Variants in PLXNA4 observed in about 807,000 individuals in gnomAD.
The protein encoded by PLXNA4 is plexin-A4.
In PLXNA4, 44 loss-of-function variants were observed where a neutral mutation model predicts 191.8. That is an observed-to-expected ratio of 0.23 (90% CI 0.18 to 0.29). The LOEUF (loss-of-function observed/expected upper bound fraction) is 0.29. Ranked by LOEUF, PLXNA4 falls within the 10% of genes least tolerant of loss-of-function variation. The pLI is 1.00. For synonymous variants in PLXNA4, 1,082 were observed against 1,009.5 expected (o/e 1.07, Z -1.36); for missense variants, 1,800 against 2,488.8 (o/e 0.72, Z 5.89).
chr7:132,199,568 T>C (rs1002977082), intron 12 of PLXNA4, among the ~76,000 whole-genome samples: 1 of 152,168 alleles, frequency 6.6e-6, no homozygotes, highest in Non-Finnish European at 1.5e-5. Context: ...CATGCTTCCA[T>C]TCCTGGTGCC....
intron 4 of PLXNA4, among the ~76,000 whole-genome samples, chr7:132,249,307 T>A (rs1011525469): frequency 6.6e-6 from 1 of 152,188 alleles, no homozygotes. Context: ...AAGTAGCAGA[T>A]GTTGTGGAGG....
chr7:132,287,553 A>T (rs1406125540), intron 4 of PLXNA4, among the ~76,000 whole-genome samples: 2 of 151,926 alleles, frequency 1.3e-5, no homozygotes, highest in Non-Finnish European at 2.9e-5. Flanking sequence ...CAAGTCCGTG[A>T]TCTGTTCATG....
At chr7:132,565,685 G>A (rs912959097) in intron 1 of PLXNA4, among the ~76,000 whole-genome samples, 14 of 152,210 alleles carry the variant, frequency 9.2e-5, no homozygotes, top group African/African-American at 3.4e-4. Flanking sequence ...AGTCCCCCGT[G>A]GGCCTGAGCC....
At chr7:132,145,617 C>T (rs890178478) in intron 28 of PLXNA4, 1 of 320,592 alleles carries the variant, frequency 3.1e-6, no homozygotes, top group Non-Finnish European at 5.9e-6. Context: ...CTCACTTGGT[C>T]AGAGCAGACA....
intron 3 of PLXNA4, among the ~76,000 whole-genome samples, chr7:132,478,211 TTCTC>T (rs1337192007): frequency 1.3e-5 from 2 of 152,248 alleles, no homozygotes; most frequent in Non-Finnish European, 2.9e-5. Context: ...GAAAGACTCA[TTCTC>T]TAAGTGAGGT....
intron 4 of PLXNA4, among the ~76,000 whole-genome samples, chr7:132,249,409 C>T (rs2117072055): frequency 6.6e-6 from 1 of 152,328 alleles, no homozygotes; most frequent in South Asian, 2.1e-4. Context: ...AGTGCCGACG[C>T]CGGAATCATC....
At position 132,507,756 on chromosome 7, in the gene PLXNA4, G is replaced by A; in HGVS notation, c.938C>T (p.Ala313Val). 6.2e-7 allele frequency: 1 copy of A among 1,614,094 alleles called. No individual in the cohort carries two copies. Among genetic ancestry groups the A allele is most frequent in the Non-Finnish European group, 8.5e-7 (1 of 1,180,036 alleles). ...SGVEYRLLQAAYLSKAGAVLG... is the reference protein window; with the variant it reads ...SGVEYRLLQAVYLSKAGAVLG... The stretch of plus-strand genomic sequence containing the variant: ...CACGGCCCCCGCTTTGGACAGGTAG[G>A]CAGCCTGCAGCAGGCGGTACTCCAC... Residue 313 changes from alanine to valine, a missense_variant, in exon 2 of 32, where the codon GCC (alanine) becomes GTC (valine). Transcript: ENST00000321063.
Position 132,508,638 on chromosome 7 carries a change from C to T in PLXNA4, c.56G>A (p.Gly19Asp). 6.3e-7 allele frequency: 1 copy of T among 1,598,494 alleles called. No homozygotes were observed. The highest frequency in any genetic ancestry group is 8.5e-7 in the Non-Finnish European group (1 of 1,171,876). ...TCLLSHLLMV[G>D]MGSSTLLTRQ... ...GGTGAGCAAAGTGGAGGAGCCCATGCCCACCATGAGGAGGTGGGAGAGAAG... is the reference window on the plus strand; with the variant it reads ...GGTGAGCAAAGTGGAGGAGCCCATGTCCACCATGAGGAGGTGGGAGAGAAG... The change falls in exon 2 of 32, where the codon GGC (glycine) becomes GAC (aspartate). Residue 19 changes from glycine to aspartate, a missense_variant. Coordinates refer to ENST00000321063, the MANE Select transcript of PLXNA4 (RefSeq NM_020911.2). This position sits in a 1 kb window ranked among gnomAD's most constrained non-coding sequence, Gnocchi z 4.4.
At chr7:132,598,554 T>C (rs867177758) in intron 2 of PLXNA4, among the ~76,000 whole-genome samples, 6 of 152,266 alleles carry the variant, frequency 3.9e-5, no homozygotes, top group Non-Finnish European at 5.9e-5. Context: ...TTTCTGCATA[T>C]ACTTGTTAGT....
At chr7:132,646,726 T>C (rs1255055878) in intron 1 of PLXNA4, among the ~76,000 whole-genome samples, 2 of 152,106 alleles carry the variant, frequency 1.3e-5, no homozygotes, top group African/African-American at 4.8e-5. Flanking sequence ...GGGCTCATCT[T>C]ATGAAAGAGG....
chr7:132,419,066 G>A (rs1417104310), intron 3 of PLXNA4, among the ~76,000 whole-genome samples: 1 of 152,196 alleles, frequency 6.6e-6, no homozygotes, highest in Non-Finnish European at 1.5e-5. Context: ...GGTTGGGAAG[G>A]GAGCTCTGTG....
chr7:132,177,770 G>T (rs536030019), intron 20 of PLXNA4, among the ~76,000 whole-genome samples: 1 of 152,176 alleles, frequency 6.6e-6, no homozygotes, highest in African/African-American at 2.4e-5. Flanking sequence ...AGTACATTGC[G>T]GAGAAAAAAA....
intron 2 of PLXNA4, among the ~76,000 whole-genome samples, chr7:132,504,023 C>T (rs551817717): frequency 1.3e-5 from 2 of 152,344 alleles, no homozygotes; most frequent in East Asian, 3.9e-4. Flanking sequence ...ACACTTGGTG[C>T]CCACTCAGGA....
chr7:132,395,412 C>A (rs1050213824), intron 3 of PLXNA4, among the ~76,000 whole-genome samples: 2 of 152,220 alleles, frequency 1.3e-5, no homozygotes, highest in African/African-American at 4.8e-5. Context: ...TCAATGGAAA[C>A]CTTGGGAGGG....
At chr7:132,555,045 G>GAAAAAAAAAAAAAAA (rs1554467852) in intron 1 of PLXNA4, among the ~76,000 whole-genome samples, 130 of 111,770 alleles carry the variant, frequency 1.2e-3, no homozygotes, top group Non-Finnish European at 1.6e-3. Context: ...AAACCTGAAG[G>GAAAAAAAAAAAAAAA]AAAAAAAAAA....
intron 3 of PLXNA4, among the ~76,000 whole-genome samples, chr7:132,337,490 G>T (rs1260350085): frequency 6.6e-6 from 1 of 152,202 alleles, no homozygotes; most frequent in African/African-American, 2.4e-5. Context: ...TATGGAGAAG[G>T]TTGTGCTTTA....
At chr7:132,153,067 G>A (rs1019188656) in intron 25 of PLXNA4, among the ~76,000 whole-genome samples, 1 of 152,216 alleles carries the variant, frequency 6.6e-6, no homozygotes, top group African/African-American at 2.4e-5. Context: ...GTGTGGAGAG[G>A]CTGTGCAAGA....
At chr7:132,514,969 C>A (rs1798880881) in intron 1 of PLXNA4, among the ~76,000 whole-genome samples, 1 of 152,164 alleles carries the variant, frequency 6.6e-6, no homozygotes, top group African/African-American at 2.4e-5. Context: ...TGCCTTTGCC[C>A]AAACACTTCT....
intron 3 of PLXNA4, among the ~76,000 whole-genome samples, chr7:132,474,589 C>T (rs1429576758): frequency 2.6e-5 from 4 of 151,672 alleles, no homozygotes; most frequent in East Asian, 2.0e-4. Flanking sequence ...CTGGGGTCTC[C>T]GAAGTTCTCC....
Sources: allele counts gnomAD v4.1 joint callset (sites outside exome capture counted in the v4.1 genomes callset), GRCh38; gene constraint gnomAD v4.1.1; non-coding constraint Gnocchi (gnomAD v3.1); transcripts MANE v1.5; gene names NCBI Gene and HGNC (gene_info 2026-07-23, HGNC 2026-07-21).